PSD3: variants seen among roughly 807,000 people sequenced by gnomAD.
The protein encoded by PSD3 is pleckstrin and Sec7 domain containing 3.
PSD3 carries 49 observed loss-of-function variants against 105.5 expected under a neutral mutation model. That is an observed-to-expected ratio of 0.46 (90% CI 0.37 to 0.59). PSD3 has a LOEUF of 0.59. Among genes scored for constraint, PSD3 ranks in the 20% least tolerant of loss-of-function variants. The pLI, the probability that PSD3 is intolerant of heterozygous loss-of-function variation, is 0.00. For missense variants in PSD3, 1,561 were observed against 1,263.8 expected, an observed-to-expected ratio of 1.24 and a Z score of -3.57; for synonymous variants, 557 against 457.8, an observed-to-expected ratio of 1.22 and a Z score of -2.77.
chr8:18,747,462 A>G (rs184701646), intron 9 of PSD3, among the ~76,000 whole-genome samples: 3 of 152,372 alleles, frequency 2.0e-5, no homozygotes, highest in Admixed American at 6.5e-5. Context: ...AGTCAGATGC[A>G]TTGTGGAAAC....
In PSD3 at chr8:18,529,693, T is replaced by C. The variant is rs184302838; in HGVS notation, c.*6050A>G. 7.9e-5 allele frequency: 12 copies of C among 152,756 alleles called. No homozygotes were observed. Among genetic ancestry groups the C allele is most frequent in the Non-Finnish European group, 5.9e-5 (4 of 68,028 alleles). The allele number at this position is 152,756 out of a possible 1,614,324, so 9.5% of individuals were successfully genotyped here. ...TCTCTAGAGTAGATATTATTATCCA[T>C]ATCAAATGGTTACTTGGCTTTATAA... On this transcript the variant is annotated 3_prime_UTR_variant, in exon 16 of 16. Coordinates refer to ENST00000327040, the MANE Select transcript of PSD3 (RefSeq NM_015310.4).
chr8:18,681,790 G>C (rs568507028), intron 9 of PSD3, among the ~76,000 whole-genome samples: 40 of 152,066 alleles, frequency 2.6e-4, no homozygotes, highest in Middle Eastern at 3.4e-3. Context: ...TAAGCCACTA[G>C]ATAATCCTAA....
intron 1 of PSD3, among the ~76,000 whole-genome samples, chr8:18,958,321 G>A (rs1823706924): frequency 6.6e-6 from 1 of 152,140 alleles, no homozygotes. Context: ...TAGGGGAACT[G>A]GGTTTCTGAG....
At chr8:18,634,679 T>C (rs1004483715) in intron 10 of PSD3, among the ~76,000 whole-genome samples, 1 of 152,278 alleles carries the variant, frequency 6.6e-6, no homozygotes, top group Admixed American at 6.5e-5. Context: ...TTGTAGAATA[T>C]CCTCAGTTTA....
chr8:18,974,392 C>G (rs1824814607), intron 1 of PSD3, among the ~76,000 whole-genome samples: 1 of 58,420 alleles, frequency 1.7e-5, no homozygotes, highest in Admixed American at 2.4e-4. Context: ...TGATAGACTT[C>G]AAAATCCTCT....
chr8:18,886,808 A>T (rs1255525535), intron 2 of PSD3: 2 of 152,262 alleles, frequency 1.3e-5, no homozygotes, highest in African/African-American at 4.8e-5. Context: ...AAATGGAAGC[A>T]CTTTGAGCAC....
At chr8:18,676,922 C>T (rs1037692667) in intron 9 of PSD3, among the ~76,000 whole-genome samples, 2 of 152,208 alleles carry the variant, frequency 1.3e-5, no homozygotes, top group East Asian at 3.9e-4. Context: ...ATTTCCATTA[C>T]ATGGGAAGCC....
At chr8:18,643,106 T>C (rs1807772854) in intron 10 of PSD3, among the ~76,000 whole-genome samples, 1 of 152,194 alleles carries the variant, frequency 6.6e-6, no homozygotes, top group Non-Finnish European at 1.5e-5. Flanking sequence ...TTCTTACAGT[T>C]CTGGAGACTG....
intron 2 of PSD3, among the ~76,000 whole-genome samples, chr8:18,892,221 T>A (rs1161947448): frequency 6.7e-6 from 1 of 149,934 alleles, no homozygotes. Flanking sequence ...ATATAAACCA[T>A]ATAAACTTTT....
chr8:18,867,133 T>A (rs1305813281), intron 4 of PSD3, among the ~76,000 whole-genome samples: 1 of 152,134 alleles, frequency 6.6e-6, no homozygotes, highest in Non-Finnish European at 1.5e-5. Context: ...GACCAAGATA[T>A]CAGCTCTCTC....
chr8:18,864,011 CA>C (rs368999512), intron 4 of PSD3, among the ~76,000 whole-genome samples: 3 of 147,500 alleles, frequency 2.0e-5, no homozygotes, highest in South Asian at 2.2e-4. Context: ...ATCCTGTGCT[CA>C]AAAAAAAAAT....
At chr8:18,704,896 A>T (rs1350863725) in intron 9 of PSD3, among the ~76,000 whole-genome samples, 5 of 152,204 alleles carry the variant, frequency 3.3e-5, no homozygotes, top group Admixed American at 3.3e-4. Context: ...ATCAACTAAG[A>T]AAAAGATGAA....
chr8:18,985,660 T>C (rs948210216), intron 1 of PSD3, among the ~76,000 whole-genome samples: 6 of 152,134 alleles, frequency 3.9e-5, no homozygotes, highest in Admixed American at 1.3e-4. Flanking sequence ...TTAAACATAC[T>C]CCTAAAAATA....
At chr8:18,866,913 CACAT>C (rs1816981586) in intron 4 of PSD3, among the ~76,000 whole-genome samples, 1 of 151,838 alleles carries the variant, frequency 6.6e-6, no homozygotes, top group African/African-American at 2.4e-5. Context: ...CACACACACA[CACAT>C]ATACCAAAAC....
At chr8:18,814,242 G>GCT (rs1480874430) in intron 4 of PSD3, among the ~76,000 whole-genome samples, 2 of 152,130 alleles carry the variant, frequency 1.3e-5, no homozygotes, top group Admixed American at 1.3e-4. Flanking sequence ...TACAGATTCT[G>GCT]CCCCCAGCCC....
intron 1 of PSD3, among the ~76,000 whole-genome samples, chr8:19,045,554 C>T (rs1409366952): frequency 1.3e-5 from 2 of 152,162 alleles, no homozygotes; most frequent in African/African-American, 4.8e-5. Flanking sequence ...TTTCTAGGAC[C>T]GATTCTACAG....
At chr8:18,563,882 G>C (rs1446116780) in intron 14 of PSD3, among the ~76,000 whole-genome samples, 3 of 152,194 alleles carry the variant, frequency 2.0e-5, no homozygotes, top group Non-Finnish European at 2.9e-5. Flanking sequence ...TACTGGAAGA[G>C]AGATCACAAG....
At chr8:18,854,447 A>G (rs1815841805) in intron 4 of PSD3, 1 of 152,358 alleles carries the variant, frequency 6.6e-6, no homozygotes, top group Admixed American at 6.5e-5. Context: ...TTAACTCTTT[A>G]AGAGCCAGAT....
Position 18,871,679 on chromosome 8 carries a change from C to G in PSD3, c.1185G>C (p.Gln395His). The G allele has an allele frequency of 1.9e-6, 3 of 1,613,590 alleles. No homozygotes were observed. Among genetic ancestry groups the G allele is most frequent in the Non-Finnish European group, 2.5e-6 (3 of 1,179,804 alleles). The change falls in exon 3 of 16, where the codon CAG becomes CAC. Residue 395 changes from glutamine (Q) to histidine (H), a missense_variant. Physicochemically the swap from Gln to His is conservative, Grantham distance 24 (BLOSUM62 0). Transcript: ENST00000327040. ...TCTTCTCAAGATGCTGTTTGTTTTCCTGTAGGAAGACTTCATCCTCTCCAC... is the reference window on the plus strand; with the variant it reads ...TCTTCTCAAGATGCTGTTTGTTTTCGTGTAGGAAGACTTCATCCTCTCCAC... Reference protein sequence around the residue: ...DESGEDEVFLQENKQHLEKTP... With the variant: ...DESGEDEVFLHENKQHLEKTP...
Sources: allele counts gnomAD v4.1 joint callset (sites outside exome capture counted in the v4.1 genomes callset), GRCh38; gene constraint gnomAD v4.1.1; transcripts MANE v1.5; gene names NCBI Gene and HGNC (gene_info 2026-07-23, HGNC 2026-07-21).